Variants in TGFBR3 observed in about 807,000 individuals in gnomAD.
TGFBR3 encodes transforming growth factor beta receptor 3, also known as transforming growth factor beta receptor type 3.
TGFBR3 carries 46 observed loss-of-function variants against 87.9 expected under a neutral mutation model. The ratio of observed to expected loss-of-function variants is 0.52; its 90% CI spans 0.41 to 0.67. The LOEUF is 0.67. Among genes scored for constraint, TGFBR3 ranks in the 30% least tolerant of loss-of-function variants. The probability of loss-of-function intolerance (pLI) is 0.00; values close to 1 mark genes in which losing one functional copy is unlikely to be tolerated. For synonymous variants in TGFBR3, 381 were observed against 391.6 expected (o/e 0.97, Z 0.32); for missense variants, 866 against 1,041.9 (o/e 0.83, Z 2.32).
chr1:91,873,754 C>A (rs1227731913), intron 1 of TGFBR3, among the ~76,000 whole-genome samples: 1 of 152,126 alleles, frequency 6.6e-6, no homozygotes, highest in Non-Finnish European at 1.5e-5. Context: ...CAAGACCAGG[C>A]TGGCCAACAT....
At chr1:91,834,354 A>G (rs1676980461) in intron 2 of TGFBR3, among the ~76,000 whole-genome samples, 1 of 152,260 alleles carries the variant, frequency 6.6e-6, no homozygotes, top group African/African-American at 2.4e-5. Context: ...TGAAAATTGC[A>G]AATAGTAACA....
chr1:91,742,263 C>T (rs1673183904), intron 4 of TGFBR3, among the ~76,000 whole-genome samples: 1 of 152,184 alleles, frequency 6.6e-6, no homozygotes, highest in African/African-American at 2.4e-5. Flanking sequence ...AGCATACCTG[C>T]CACCCTCATT....
At chr1:91,771,948 G>A (rs576663436) in intron 3 of TGFBR3, among the ~76,000 whole-genome samples, 150 of 152,140 alleles carry the variant, frequency 9.9e-4, no homozygotes, top group African/African-American at 3.5e-3. Context: ...TGGGCCAGAG[G>A]GTGAATGGGG....
At chr1:91,779,892 C>A (rs900477779) in intron 3 of TGFBR3, among the ~76,000 whole-genome samples, 2 of 152,168 alleles carry the variant, frequency 1.3e-5, no homozygotes, top group African/African-American at 4.8e-5. Flanking sequence ...GTCAGCAGAG[C>A]CACATGCCCT....
At chr1:91,814,308 C>T (rs541426835) in intron 2 of TGFBR3, among the ~76,000 whole-genome samples, 1 of 152,212 alleles carries the variant, frequency 6.6e-6, no homozygotes, top group South Asian at 2.1e-4. Context: ...TTCCTAAGCT[C>T]CTTCCTGAAA....
At chr1:91,749,280 A>G (rs2100866169) in intron 4 of TGFBR3, among the ~76,000 whole-genome samples, 1 of 152,280 alleles carries the variant, frequency 6.6e-6, no homozygotes, top group East Asian at 1.9e-4. Flanking sequence ...CTTTTGCTAG[A>G]GGTGGCAGAC....
chr1:91,741,128 C>G (rs72714494), intron 4 of TGFBR3, among the ~76,000 whole-genome samples: 1 of 152,242 alleles, frequency 6.6e-6, no homozygotes, highest in South Asian at 2.1e-4. Flanking sequence ...TAGGTCAGAC[C>G]GCACAGATTA....
At chr1:91,786,045 T>G (rs2100978680) in intron 3 of TGFBR3, 3 of 367,554 alleles carry the variant, frequency 8.2e-6, no homozygotes, top group South Asian at 2.2e-5. Flanking sequence ...ATTACAGGCG[T>G]GAGCCACCAC....
intron 16 of TGFBR3, among the ~76,000 whole-genome samples, chr1:91,686,378 A>G (rs1463937731): frequency 6.6e-6 from 1 of 152,206 alleles, no homozygotes; most frequent in Non-Finnish European, 1.5e-5. Context: ...TCCGCACTCA[A>G]GACTGCAGGA....
At chr1:91,836,038 G>A (rs1415618232) in intron 2 of TGFBR3, among the ~76,000 whole-genome samples, 3 of 151,532 alleles carry the variant, frequency 2.0e-5, no homozygotes, top group African/African-American at 4.9e-5. Context: ...ACCTGAGGTC[G>A]GGAGTTCGAG....
intron 2 of TGFBR3, among the ~76,000 whole-genome samples, chr1:91,853,259 CAAAAAAA>C (rs11340974): frequency 9.1e-5 from 7 of 76,608 alleles, no homozygotes; most frequent in Admixed American, 2.9e-4. Context: ...TGAGGGTTGG[CAAAAAAA>C]AAAAAAAAAA....
At position 91,694,102 on chromosome 1, in the gene TGFBR3, A is replaced by G. The variant is rs550115366; in HGVS notation, c.2437+1570T>C. Among the ~76,000 whole-genome samples, 311 of 152,170 alleles carry G rather than the reference A, an allele frequency of 2.0e-3. 3 individuals carry two copies. Among genetic ancestry groups the G allele is most frequent in the African/African-American group, 6.8e-3 (283 of 41,508 alleles). ...CTTCAGCCTCAACCTCCCAGGTTCA[A>G]GCGATCCCCACCTCAGCCAGCTGGG... On this transcript the variant is annotated intron_variant, in intron 16 of 16. Coordinates refer to ENST00000212355, the MANE Select transcript of TGFBR3 (RefSeq NM_003243.5).
chr1:91,852,913 G>A lies in TGFBR3; in HGVS notation c.61+8558C>T, dbSNP rs535871382. Among the ~76,000 whole-genome samples, 497 of 152,186 alleles carry A rather than the reference G, an allele frequency of 3.3e-3. 1 individual carries two copies. Among genetic ancestry groups the A allele is most frequent in the Non-Finnish European group, 5.4e-3 (370 of 68,014 alleles). ...CTCACACCTATAATCCTAGCACTTTGGGAGGCCGATATGGGTGGACCACTT... is the reference window on the plus strand; with the variant it reads ...CTCACACCTATAATCCTAGCACTTTAGGAGGCCGATATGGGTGGACCACTT... On this transcript the variant is annotated intron_variant, in intron 2 of 16. Transcript: ENST00000212355.
chr1:91,735,715 G>A (rs1672944627), intron 4 of TGFBR3, among the ~76,000 whole-genome samples: 1 of 152,220 alleles, frequency 6.6e-6, no homozygotes, highest in South Asian at 2.1e-4. Context: ...CATGGTATAT[G>A]TGTAATTAAC....
intron 2 of TGFBR3, among the ~76,000 whole-genome samples, chr1:91,896,925 T>TC (rs1679565863): frequency 6.6e-6 from 1 of 151,230 alleles, no homozygotes; most frequent in African/African-American, 2.4e-5. Context: ...CTTTTCTTTT[T>TC]TTTTTTTTAG....
chr1:91,882,524 C>T (rs138453098), intron 1 of TGFBR3, among the ~76,000 whole-genome samples: 1 of 151,916 alleles, frequency 6.6e-6, no homozygotes, highest in African/African-American at 2.4e-5. Flanking sequence ...GTAGGCGGAT[C>T]ACAAGGTCAG....
At chr1:91,887,021 T>C (rs556752038), upstream of TGFBR3, among the ~76,000 whole-genome samples, 10 of 152,198 alleles carry the variant, frequency 6.6e-5, no homozygotes, top group African/African-American at 2.4e-4. Flanking sequence ...CCAGTTTTTC[T>C]TATTAAAAAG....
At chr1:91,796,677 G>A (rs545003008) in intron 3 of TGFBR3, among the ~76,000 whole-genome samples, 6 of 152,188 alleles carry the variant, frequency 3.9e-5, no homozygotes, top group African/African-American at 1.2e-4. Context: ...CAGAGAAAAC[G>A]GTACCTTATT....
chr1:91,720,252 ACAT>A (rs940861543), intron 8 of TGFBR3, 22 bp from the exon 9 acceptor site: 2 of 1,559,958 alleles, frequency 1.3e-6, no homozygotes, highest in Admixed American at 1.9e-5. Flanking sequence ...AGAAGGCAAA[ACAT>A]CAGCAGTGTT....
Sources: allele counts gnomAD v4.1 joint callset (sites outside exome capture counted in the v4.1 genomes callset), GRCh38; gene constraint gnomAD v4.1.1; transcripts MANE v1.5; gene names NCBI Gene and HGNC (gene_info 2026-07-23, HGNC 2026-07-21).